XKR4: variants seen among roughly 807,000 people sequenced by gnomAD.
The protein encoded by XKR4 is XK-related protein 4.
In XKR4, 12 loss-of-function variants were observed where a neutral mutation model predicts 53.9. The observed-to-expected ratio is 0.22, with a 90% CI of 0.14 to 0.36. The LOEUF is 0.36. XKR4 is among the 10% of genes least tolerant of loss of function. The pLI, the probability that XKR4 is intolerant of heterozygous loss-of-function variation, is 1.00. For synonymous variants in XKR4, 354 were observed against 362.4 expected, an observed-to-expected ratio of 0.98 and a Z score of 0.26; for missense variants, 799 against 859.5, an observed-to-expected ratio of 0.93 and a Z score of 0.88.
At chr8:55,357,065 G>T (rs534268644) in intron 1 of XKR4, among the ~76,000 whole-genome samples, 11 of 152,180 alleles carry the variant, frequency 7.2e-5, no homozygotes, top group Middle Eastern at 3.4e-3. Flanking sequence ...TCAACTATAG[G>T]CTATTAGTGA....
chr8:55,229,113 C>A (rs987058211), intron 1 of XKR4, among the ~76,000 whole-genome samples: 6 of 152,242 alleles, frequency 3.9e-5, no homozygotes, highest in Non-Finnish European at 8.8e-5. Context: ...GGTTCCCAAA[C>A]CCAGCCTACC....
At chr8:55,118,943 T>C (rs1816350424) in intron 1 of XKR4, among the ~76,000 whole-genome samples, 1 of 152,182 alleles carries the variant, frequency 6.6e-6, no homozygotes, top group Non-Finnish European at 1.5e-5. Context: ...TGAAAATCTA[T>C]AGCACTTTTT....
At chr8:55,265,600 T>C (rs1300087000) in intron 1 of XKR4, among the ~76,000 whole-genome samples, 1 of 152,084 alleles carries the variant, frequency 6.6e-6, no homozygotes, top group Non-Finnish European at 1.5e-5. Flanking sequence ...ATTCCTGTAA[T>C]CCCAGCAATT....
intron 2 of XKR4, chr8:55,455,179 G>A: frequency 2.0e-6 from 1 of 511,270 alleles, no homozygotes; most frequent in Non-Finnish European, 3.7e-6. Flanking sequence ...TCGGGGACTC[G>A]AGGGCTGCGC....
At chr8:55,409,708 T>C (rs117562580) in intron 2 of XKR4, among the ~76,000 whole-genome samples, 2,878 of 152,222 alleles carry the variant, frequency 0.019, 35 homozygotes, top group Middle Eastern at 0.034. Flanking sequence ...AATATAGCAC[T>C]CCTATGCTTA....
chr8:55,318,138 G>T (rs1269171117), intron 1 of XKR4, among the ~76,000 whole-genome samples: 1 of 152,068 alleles, frequency 6.6e-6, no homozygotes, highest in Non-Finnish European at 1.5e-5. Flanking sequence ...TCATTTTAGG[G>T]TTACTGGGAG....
intron 2 of XKR4, among the ~76,000 whole-genome samples, chr8:55,408,958 G>C (rs1804734105): frequency 6.8e-6 from 1 of 146,696 alleles, no homozygotes; most frequent in Non-Finnish European, 1.5e-5. Flanking sequence ...AGTGAGCCGA[G>C]ATCGTGCCAC....
intron 1 of XKR4, 29 bp downstream of exon 1, chr8:55,103,323 G>A (rs780260249): frequency 1.3e-6 from 2 of 1,557,896 alleles, no homozygotes; most frequent in South Asian, 2.5e-5. Flanking sequence ...GAAAAGGGAG[G>A]CTTGCTGCTG....
intron 2 of XKR4, chr8:55,453,546 T>G (rs2129396678): frequency 2.6e-6 from 1 of 378,268 alleles, no homozygotes; most frequent in East Asian, 7.0e-5. Flanking sequence ...AGTAGGGCAG[T>G]CATGCGGGGC....
chr8:55,174,817 C>T (rs532420244), intron 1 of XKR4, among the ~76,000 whole-genome samples: 37 of 152,264 alleles, frequency 2.4e-4, no homozygotes, highest in South Asian at 6.2e-4. Flanking sequence ...GGGACTGATT[C>T]GGTGGCACCA....
chr8:55,170,197 C>G (rs1817138143), intron 1 of XKR4, among the ~76,000 whole-genome samples: 1 of 152,092 alleles, frequency 6.6e-6, no homozygotes, highest in South Asian at 2.1e-4. Context: ...ACGGGCCCCC[C>G]AAATATATTC....
chr8:55,353,273 T>A (rs1348610159), intron 1 of XKR4, among the ~76,000 whole-genome samples: 4 of 152,178 alleles, frequency 2.6e-5, no homozygotes, highest in Non-Finnish European at 5.9e-5. Context: ...CATGATCAAG[T>A]GAAGATGAGA....
At position 55,530,391 on chromosome 8, in the gene XKR4, G is replaced by A. The variant is rs893181370; in HGVS notation, c.*6164G>A. On this transcript the variant is annotated 3_prime_UTR_variant, in exon 3 of 3. Transcript: ENST00000327381. ...TAGGAACCTTATTTTAGTGTTAGAT[G>A]CCAATAATACTGCAAGTGTCAACCA... 3.3e-5 allele frequency: 5 copies of A among 152,128 alleles called. No homozygotes were observed. The highest frequency in any genetic ancestry group is 1.2e-4 in the African/African-American group (5 of 41,432). The allele number at this position is 152,128 out of a possible 1,614,324, so 9.4% of individuals were successfully genotyped here.
At chr8:55,391,449 A>T (rs73589789) in intron 2 of XKR4, among the ~76,000 whole-genome samples, 1 of 152,322 alleles carries the variant, frequency 6.6e-6, no homozygotes, top group African/African-American at 2.4e-5. Flanking sequence ...AAAAAGAGAA[A>T]GAAATCTGTG....
chr8:55,125,494 A>G lies in XKR4; in HGVS notation c.806+22200A>G, dbSNP rs904306133. On this transcript the variant is annotated intron_variant, in intron 1 of 2. Transcript: ENST00000327381. ...GGTGATCCGCCCGCCTTGGTCTCCC[A>G]AAGTCCTGGGATTACAGGCATGAGC... Among the ~76,000 whole-genome samples, 91 of 152,330 alleles carry G rather than the reference A, an allele frequency of 6.0e-4. 1 individual carries two copies. Among genetic ancestry groups the G allele is most frequent in the African/African-American group, 2.1e-3 (88 of 41,572 alleles).
intron 1 of XKR4, among the ~76,000 whole-genome samples, chr8:55,348,135 C>G (rs900401928): frequency 6.6e-6 from 1 of 152,172 alleles, no homozygotes; most frequent in Non-Finnish European, 1.5e-5. Flanking sequence ...TACTGATTAA[C>G]AGACTGATCT....
In XKR4 at chr8:55,102,903, C is replaced by T. The variant is rs1816071570; in HGVS notation, c.415C>T (p.Arg139Cys). ...DVWLAVDYYL[R>C]GQRWWFGLTL... ...CTGGCTCGCCGTGGACTACTACCTG[C>T]GCGGCCAGCGCTGGTGGTTCGGGCT... Residue 139 changes from arginine to cysteine, a missense_variant, in exon 1 of 3, where the codon CGC (arginine) becomes TGC (cysteine). Physicochemically the swap from Arg to Cys is radical, Grantham distance 180 (BLOSUM62 -3). Transcript: ENST00000327381. The surrounding 1 kb of genome is among the most constrained non-coding windows in gnomAD (Gnocchi z 5.1). 1 of 1,612,050 alleles carries T rather than the reference C, an allele frequency of 6.2e-7. No individual in the cohort carries two copies. The highest frequency in any genetic ancestry group is 8.5e-7 in the Non-Finnish European group (1 of 1,179,908).
intron 2 of XKR4, among the ~76,000 whole-genome samples, chr8:55,401,533 C>G (rs536529022): frequency 6.6e-6 from 1 of 152,248 alleles, no homozygotes; most frequent in Non-Finnish European, 1.5e-5. Flanking sequence ...CCAGCTGAGG[C>G]TCCTGCAATC....
chr8:55,323,929 ATTTCC>A lies in XKR4; in HGVS notation c.807-33748_807-33744del, dbSNP rs1250242395. Among the ~76,000 whole-genome samples the A allele has an allele frequency of 1.3e-3, 191 of 152,162 alleles. 4 individuals are homozygous for A. The highest frequency in any genetic ancestry group is 3.5e-3 in the African/African-American group (146 of 41,510). On this transcript the variant is annotated intron_variant, in intron 1 of 2. Coordinates refer to ENST00000327381, the MANE Select transcript of XKR4 (RefSeq NM_052898.2). The stretch of plus-strand genomic sequence containing the variant: ...GAGATATTGTGTTTTTAAGTTTAAT[ATTTCC>A]ATTTAGTTCACTTTTTATTCCTCTG...
Sources: gnomAD v4.1 joint callset for allele counts (sites outside exome capture counted in the v4.1 genomes callset) on GRCh38, gnomAD v4.1.1 for gene constraint, Gnocchi (gnomAD v3.1) non-coding constraint, MANE v1.5 for transcripts, NCBI Gene and HGNC (gene_info 2026-07-23, HGNC 2026-07-21) for gene names.